Variants in BMPR1B observed in about 807,000 individuals in gnomAD.
The protein encoded by BMPR1B is bone morphogenetic protein receptor type 1B, also known as bone morphogenetic protein receptor type-1B.
Under a neutral mutation model 59.1 loss-of-function variants are expected in BMPR1B, and 12 were observed. The ratio of observed to expected loss-of-function variants is 0.20; its 90% CI spans 0.13 to 0.33. The LOEUF is 0.33. BMPR1B is among the 10% of genes least tolerant of loss of function. BMPR1B has a pLI of 1.00. For missense variants in BMPR1B, 550 were observed against 610.9 expected, an observed-to-expected ratio of 0.90 and a Z score of 1.05; for synonymous variants, 237 against 207.3, an observed-to-expected ratio of 1.14 and a Z score of -1.23.
intron 1 of BMPR1B, among the ~76,000 whole-genome samples, chr4:94,784,245 G>A (rs1722683175): frequency 6.6e-6 from 1 of 152,024 alleles, no homozygotes; most frequent in South Asian, 2.1e-4. Flanking sequence ...ATTTCCTATT[G>A]TCAATAAGAG....
intron 2 of BMPR1B, among the ~76,000 whole-genome samples, chr4:94,972,085 A>G (rs1056159927): frequency 2.6e-5 from 4 of 151,660 alleles, no homozygotes; most frequent in Non-Finnish European, 4.4e-5. Flanking sequence ...AAATTATAGT[A>G]TGTACAAAAT....
intron 10 of BMPR1B, among the ~76,000 whole-genome samples, chr4:95,135,343 G>A (rs1454941127): frequency 7.9e-5 from 12 of 152,082 alleles, no homozygotes; most frequent in African/African-American, 1.7e-4. Flanking sequence ...TTAGCAATGC[G>A]GGCTCTTTTT....
chr4:94,829,514 C>G (rs1172129980), intron 1 of BMPR1B, among the ~76,000 whole-genome samples: 1 of 152,110 alleles, frequency 6.6e-6, no homozygotes, highest in Non-Finnish European at 1.5e-5. Flanking sequence ...ATCTTGTCAC[C>G]TCAGCCTCCC....
chr4:94,814,157 AAC>A (rs758929893), intron 1 of BMPR1B, among the ~76,000 whole-genome samples: 1 of 152,204 alleles, frequency 6.6e-6, no homozygotes, highest in African/African-American at 2.4e-5. Context: ...AAAAGATTAT[AAC>A]ACTTTAGCAT....
At chr4:94,977,479 CTTTTT>C (rs5741894) in intron 2 of BMPR1B, among the ~76,000 whole-genome samples, 3 of 138,830 alleles carry the variant, frequency 2.2e-5, no homozygotes, top group Admixed American at 7.1e-5. Flanking sequence ...AGCAAGATGC[CTTTTT>C]TTTTTTTTTT....
At chr4:94,900,698 A>G (rs1440441126) in intron 2 of BMPR1B, among the ~76,000 whole-genome samples, 1 of 152,084 alleles carries the variant, frequency 6.6e-6, no homozygotes, top group Non-Finnish European at 1.5e-5. Flanking sequence ...CAGAATATCA[A>G]GTAGTAAGCA....
chr4:94,891,668 C>T (rs1727399963), intron 2 of BMPR1B, among the ~76,000 whole-genome samples: 1 of 151,958 alleles, frequency 6.6e-6, no homozygotes, highest in Non-Finnish European at 1.5e-5. Context: ...CAAAAGGTAA[C>T]ATTCAAAAAT....
intron 1 of BMPR1B, among the ~76,000 whole-genome samples, chr4:94,818,120 C>T (rs1319769872): frequency 6.6e-6 from 1 of 152,126 alleles, no homozygotes; most frequent in African/African-American, 2.4e-5. Context: ...AAAAGCACTG[C>T]TGTTCTTTGT....
intron 1 of BMPR1B, among the ~76,000 whole-genome samples, chr4:94,820,894 G>A (rs1370335496): frequency 6.6e-6 from 1 of 152,118 alleles, no homozygotes; most frequent in African/African-American, 2.4e-5. Context: ...TCAGAAATAT[G>A]GTATTCATAA....
At chr4:95,061,657 T>C (rs1727407916) in intron 3 of BMPR1B, among the ~76,000 whole-genome samples, 1 of 152,230 alleles carries the variant, frequency 6.6e-6, no homozygotes, top group Non-Finnish European at 1.5e-5. Context: ...AGTCTCACTA[T>C]TAGTACTAGA....
At chr4:94,794,212 G>A (rs1723095142) in intron 1 of BMPR1B, among the ~76,000 whole-genome samples, 1 of 138,994 alleles carries the variant, frequency 7.2e-6, no homozygotes, top group Non-Finnish European at 1.6e-5. Context: ...GTAAGGAAGG[G>A]ATCCAGTTTC....
intron 2 of BMPR1B, among the ~76,000 whole-genome samples, chr4:94,988,964 C>G (rs973166492): frequency 1.3e-5 from 2 of 152,102 alleles, no homozygotes; most frequent in Non-Finnish European, 2.9e-5. Context: ...TGAGCGTCAC[C>G]TGTTCCCTCA....
intron 3 of BMPR1B, among the ~76,000 whole-genome samples, chr4:95,020,695 T>C (rs545899956): frequency 5.3e-5 from 8 of 152,282 alleles, no homozygotes; most frequent in African/African-American, 1.9e-4. Context: ...AATTTATTTT[T>C]ATTTTGTTAT....
Position 95,064,670 on chromosome 4 carries a change from C to T in BMPR1B, c.-17-39738C>T, listed in dbSNP as rs369877024. ...CATGAATCTAGCCTATGTAAAGAAC[C>T]GTTACAAATTAATAATAAAAAGAAA... is the stretch of plus-strand genomic sequence containing the variant. On this transcript the variant is annotated intron_variant, in intron 3 of 12. Transcript: ENST00000515059. Among the ~76,000 whole-genome samples, 65 of 152,078 alleles carry T rather than the reference C, an allele frequency of 4.3e-4. 1 individual carries two copies. The highest frequency in any genetic ancestry group is 1.4e-3 in the African/African-American group (59 of 41,468).
At chr4:95,074,764 A>G (rs1728579319) in intron 3 of BMPR1B, among the ~76,000 whole-genome samples, 1 of 152,114 alleles carries the variant, frequency 6.6e-6, no homozygotes, top group South Asian at 2.1e-4. Flanking sequence ...CTCTAGGTAA[A>G]TTACTGTTAT....
chr4:95,067,247 C>G (rs1727882867), intron 3 of BMPR1B, among the ~76,000 whole-genome samples: 1 of 152,142 alleles, frequency 6.6e-6, no homozygotes, highest in African/African-American at 2.4e-5. Flanking sequence ...AAGGTATAAT[C>G]CAAATAATTT....
intron 2 of BMPR1B, among the ~76,000 whole-genome samples, chr4:94,988,107 A>G (rs1393752916): frequency 6.6e-6 from 1 of 152,146 alleles, no homozygotes; most frequent in East Asian, 1.9e-4. Flanking sequence ...TGATGATTTT[A>G]AGAACTGCAG....
chr4:94,989,682 C>T (rs1180676424), intron 2 of BMPR1B, among the ~76,000 whole-genome samples: 1 of 152,156 alleles, frequency 6.6e-6, no homozygotes, highest in Non-Finnish European at 1.5e-5. Flanking sequence ...TCAAATTCAT[C>T]TTAAAAGCTG....
intron 2 of BMPR1B, among the ~76,000 whole-genome samples, chr4:94,952,610 A>G (rs563700313): frequency 4.1e-4 from 63 of 152,210 alleles, no homozygotes; most frequent in Middle Eastern, 3.4e-3. Context: ...TTTGATCGCA[A>G]TGTGGTCTGA....
Sources: gnomAD v4.1 joint callset for allele counts (sites outside exome capture counted in the v4.1 genomes callset) on GRCh38, gnomAD v4.1.1 for gene constraint, MANE v1.5 for transcripts, NCBI Gene and HGNC (gene_info 2026-07-23, HGNC 2026-07-21) for gene names.